UGGT2: variants seen among roughly 807,000 people sequenced by gnomAD.
UGGT2 encodes the protein UDP-glucose glycoprotein glucosyltransferase 2, also known as UDP-glucose:glycoprotein glucosyltransferase 2.
In UGGT2, 180 loss-of-function variants were observed where a neutral mutation model predicts 192.1. The observed-to-expected ratio is 0.94, with a 90% CI of 0.83 to 1.06. The LOEUF is 1.06. Ranked by LOEUF, UGGT2 falls within the 50% of genes least tolerant of loss-of-function variation. UGGT2 has a pLI of 0.00. For missense variants in UGGT2, 1,849 were observed against 1,795.7 expected (o/e 1.03, Z -0.54); for synonymous variants, 580 against 591.0 (o/e 0.98, Z 0.27).
At chr13:95,930,480 G>C (rs2049213610) in intron 17 of UGGT2, among the ~76,000 whole-genome samples, 2 of 152,120 alleles carry the variant, frequency 1.3e-5, no homozygotes. Flanking sequence ...TTTGCATATG[G>C]CTAGCCAACT....
chr13:95,907,695 C>T (rs2048336649), intron 20 of UGGT2, among the ~76,000 whole-genome samples: 1 of 151,960 alleles, frequency 6.6e-6, no homozygotes, highest in African/African-American at 2.4e-5. Context: ...AAAGGAATAG[C>T]ATCAACATCA....
intron 2 of UGGT2, among the ~76,000 whole-genome samples, chr13:96,025,057 A>C (rs1160666369): frequency 1.3e-5 from 2 of 152,214 alleles, no homozygotes; most frequent in Non-Finnish European, 2.9e-5. Context: ...CAACCAGTGC[A>C]AATATGGGAC....
chr13:95,947,284 A>G (rs2049904095), intron 14 of UGGT2, 112 bp from the exon 15 acceptor site: 1 of 1,145,304 alleles, frequency 8.7e-7, no homozygotes, highest in South Asian at 2.0e-5. Context: ...ATGTATTAAT[A>G]GACAGAGAAA....
intron 27 of UGGT2, among the ~76,000 whole-genome samples, chr13:95,881,134 T>G (rs1283983165): frequency 6.6e-6 from 1 of 152,018 alleles, no homozygotes; most frequent in East Asian, 1.9e-4. Context: ...GAGCTGGCAA[T>G]GAGCCGAGAT....
intron 25 of UGGT2, among the ~76,000 whole-genome samples, chr13:95,889,957 C>T (rs1249524433): frequency 1.3e-5 from 2 of 152,136 alleles, no homozygotes; most frequent in Non-Finnish European, 2.9e-5. Flanking sequence ...TTAGGTGCTT[C>T]GTGACAGCTC....
At position 95,925,756 on chromosome 13, in the gene UGGT2, G is replaced by A; in HGVS notation, c.2219C>T (p.Ala740Val). 2 of 1,554,450 alleles carry A rather than the reference G, an allele frequency of 1.3e-6. No individual in the cohort carries two copies. Among genetic ancestry groups the A allele is most frequent in the East Asian group, 2.3e-5 (1 of 43,610 alleles). The change falls in exon 20 of 39, where the codon GCA becomes GTA. Residue 740 changes from alanine to valine, a missense_variant. Ala to Val is a moderately conservative substitution (Grantham distance 64). Coordinates refer to ENST00000376747, the MANE Select transcript of UGGT2 (RefSeq NM_020121.4). The stretch of plus-strand genomic sequence containing the variant: ...ATCTGCAATAATCCAGAGAGTGACT[G>A]CAGAAATTATACTCTCATCTGAAAG... ...LTQDDESIIS[A>V]VTLWIIADFD...
Position 95,854,355 on chromosome 13 carries a change from A to G in UGGT2, c.4129T>C (p.Tyr1377His). The change falls in exon 35 of 39, where the codon TAC (tyrosine) becomes CAC (histidine). Residue 1377 changes from tyrosine (Y) to histidine (H), a missense_variant. Coordinates refer to ENST00000376747, the MANE Select transcript of UGGT2 (RefSeq NM_020121.4). ...CGTCTTAAAAGATGTGATGCCCAGTATCCTGTTTTCCAGAAACGATATCCA... is the reference window on the plus strand; with the variant it reads ...CGTCTTAAAAGATGTGATGCCCAGTGTCCTGTTTTCCAGAAACGATATCCA... ...MDGYRFWKTG[Y>H]WASHLLRRKY... is the part of the protein sequence containing the mutation. 6.2e-7 allele frequency: 1 copy of G among 1,613,810 alleles called. No homozygotes were observed. The highest frequency in any genetic ancestry group is 8.5e-7 in the Non-Finnish European group (1 of 1,179,852).
chr13:95,886,529 A>G (rs946439514), intron 26 of UGGT2, among the ~76,000 whole-genome samples: 3 of 152,184 alleles, frequency 2.0e-5, no homozygotes, highest in Non-Finnish European at 2.9e-5. Flanking sequence ...GGAACTAACA[A>G]ACCTTTCAAT....
At position 95,877,761 on chromosome 13, in the gene UGGT2, C is replaced by A; in HGVS notation, c.3324G>T (p.Leu1108=). The A allele has an allele frequency of 6.2e-7, 1 of 1,614,020 alleles. No homozygotes were observed. Among genetic ancestry groups the A allele is most frequent in the Non-Finnish European group, 8.5e-7 (1 of 1,179,968 alleles). The change falls in exon 28 of 39, where the codon CTG becomes CTT. Residue 1108 remains leucine (L), a synonymous_variant. Coordinates refer to ENST00000376747, the MANE Select transcript of UGGT2 (RefSeq NM_020121.4). ...DKVTEQPPRG[L]QFTLGTKNKP... ...TATTTTTTGTGCCTAGTGTGAACTG[C>A]AGACCCCGAGGAGGCTGTTCTGTCA...
intron 12 of UGGT2, among the ~76,000 whole-genome samples, chr13:95,964,121 C>G (rs763280475): frequency 8.5e-5 from 13 of 152,110 alleles, no homozygotes; most frequent in Non-Finnish European, 1.6e-4. Context: ...AAGACAGACA[C>G]ACAGACCAAT....
chr13:95,972,527 T>C, intron 11 of UGGT2, 53 bp downstream of exon 11: 3 of 1,378,916 alleles, frequency 2.2e-6, no homozygotes, highest in Non-Finnish European at 3.1e-6. Context: ...TTCAAGACAA[T>C]GTTTATTTTT....
chr13:95,849,978 A>T (rs1200385781), intron 36 of UGGT2, among the ~76,000 whole-genome samples: 1 of 151,246 alleles, frequency 6.6e-6, no homozygotes, highest in East Asian at 1.9e-4. Flanking sequence ...TTTGCAAACA[A>T]AGGCAGTTTT....
chr13:95,827,742 T>C (rs752756301), intron 38 of UGGT2, among the ~76,000 whole-genome samples: 2 of 152,186 alleles, frequency 1.3e-5, no homozygotes, highest in Admixed American at 1.3e-4. Context: ...AGGCAGCACT[T>C]TGACCCACTT....
rs147750970 is a variant in UGGT2, at chr13:95,871,010, A to G, written c.3474-3587T>C. 3.1e-3 allele frequency among the ~76,000 whole-genome samples: 479 copies of G among 152,356 alleles called. 2 individuals are homozygous for G. Among genetic ancestry groups the G allele is most frequent in the African/African-American group, 0.011 (457 of 41,576 alleles). On this transcript the variant is annotated intron_variant, in intron 29 of 38. Transcript: ENST00000376747. ...TCTTTCCAACCTTCCAGAACTATGA[A>G]CCAATAAATTTGCTCAGTCACAGGT...
intron 34 of UGGT2, among the ~76,000 whole-genome samples, chr13:95,855,045 G>C (rs1220799167): frequency 6.7e-6 from 1 of 150,354 alleles, no homozygotes; most frequent in Non-Finnish European, 1.5e-5. Flanking sequence ...GCTCAGATGG[G>C]AGGATTGCTT....
intron 20 of UGGT2, among the ~76,000 whole-genome samples, chr13:95,906,379 T>C (rs758669186): frequency 1.3e-5 from 2 of 152,134 alleles, no homozygotes; most frequent in Non-Finnish European, 2.9e-5. Context: ...TGTAAACAAC[T>C]TGGAATGGCA....
At chr13:95,995,942 G>T in intron 7 of UGGT2, 121 bp downstream of exon 7, 1 of 800,434 alleles carries the variant, frequency 1.2e-6, no homozygotes, top group Non-Finnish European at 2.1e-6. Flanking sequence ...AATCGTATGT[G>T]TGTGTGTTTG....
At chr13:95,936,309 T>C (rs1483157061) in intron 17 of UGGT2, among the ~76,000 whole-genome samples, 1 of 152,254 alleles carries the variant, frequency 6.6e-6, no homozygotes, top group East Asian at 1.9e-4. Context: ...CTTTGGGCTG[T>C]GTGGTTTGAC....
intron 3 of UGGT2, 103 bp from the exon 4 acceptor site, chr13:96,023,255 T>C (rs887302773): frequency 1.3e-4 from 116 of 903,446 alleles, no homozygotes; most frequent in Non-Finnish European, 1.6e-4. Context: ...TCAACTACTA[T>C]TAAGTTATTG....
Sources: gnomAD v4.1 joint callset for allele counts (sites outside exome capture counted in the v4.1 genomes callset) on GRCh38, gnomAD v4.1.1 for gene constraint, MANE v1.5 for transcripts, NCBI Gene and HGNC (gene_info 2026-07-23, HGNC 2026-07-21) for gene names.